Variants in ACVR1 observed in about 807,000 individuals in gnomAD.
The protein encoded by ACVR1 is activin A receptor type 1.
In ACVR1, 38 loss-of-function variants were observed where a neutral mutation model predicts 57.1. The ratio of observed to expected loss-of-function variants is 0.67; its 90% CI spans 0.51 to 0.87. ACVR1 has a LOEUF of 0.87. Among genes scored for constraint, ACVR1 ranks in the 40% least tolerant of loss-of-function variants. The pLI is 0.00. For synonymous variants in ACVR1, 212 were observed against 228.1 expected (o/e 0.93, Z 0.63); for missense variants, 463 against 638.2 (o/e 0.73, Z 2.96).
At chr2:157,855,509 G>A (rs1689501653) in intron 1 of ACVR1, among the ~76,000 whole-genome samples, 1 of 151,698 alleles carries the variant, frequency 6.6e-6, no homozygotes, top group Non-Finnish European at 1.5e-5. Context: ...AACAACTGAT[G>A]AGTCCTCACA....
intron 6 of ACVR1, 89 bp from the exon 7 acceptor site, chr2:157,770,603 C>A: frequency 7.6e-7 from 1 of 1,316,582 alleles, no homozygotes; most frequent in Non-Finnish European, 1.1e-6. Context: ...TTAGTGCATG[C>A]AACTCTTAAT....
chr2:157,758,118 A>T (rs1292876716), intron 9 of ACVR1, among the ~76,000 whole-genome samples: 1 of 152,046 alleles, frequency 6.6e-6, no homozygotes, highest in Non-Finnish European at 1.5e-5. Flanking sequence ...ATATAGACTG[A>T]AAGTGAAGGG....
intron 2 of ACVR1, among the ~76,000 whole-genome samples, chr2:157,815,206 AATTGTAAT>A (rs1352877350): frequency 1.3e-5 from 2 of 152,192 alleles, no homozygotes; most frequent in African/African-American, 4.8e-5. Flanking sequence ...GTAAAAGAAA[AATTGTAAT>A]ATATGCATGT....
At chr2:157,863,867 CTTT>C (rs56669677) in intron 1 of ACVR1, among the ~76,000 whole-genome samples, 9 of 129,020 alleles carry the variant, frequency 7.0e-5, no homozygotes, top group Admixed American at 3.9e-4. Flanking sequence ...GGAGCAAATT[CTTT>C]TTTTTTTTTT....
chr2:157,819,669 T>A (rs1688089269), intron 1 of ACVR1, among the ~76,000 whole-genome samples: 1 of 152,110 alleles, frequency 6.6e-6, no homozygotes. Flanking sequence ...AACAATTCTC[T>A]GGCATAGACA....
intron 9 of ACVR1, among the ~76,000 whole-genome samples, chr2:157,743,469 C>G (rs972187460): frequency 2.0e-5 from 3 of 152,024 alleles, no homozygotes; most frequent in African/African-American, 7.3e-5. Context: ...GAGCCTAACA[C>G]AACACCTAGT....
At chr2:157,772,984 T>C (rs1352521890) in intron 6 of ACVR1, among the ~76,000 whole-genome samples, 1 of 152,038 alleles carries the variant, frequency 6.6e-6, no homozygotes, top group Admixed American at 6.6e-5. Flanking sequence ...CCTCTTTCCA[T>C]GAAAACAAGA....
chr2:157,869,294 T>C (rs2105387430), intron 1 of ACVR1, among the ~76,000 whole-genome samples: 1 of 152,282 alleles, frequency 6.6e-6, no homozygotes, highest in African/African-American at 2.4e-5. Flanking sequence ...GAGAGGGGCA[T>C]AGGGGTAAGA....
At chr2:157,775,131 G>A (rs1686233270) in intron 5 of ACVR1, among the ~76,000 whole-genome samples, 1 of 152,168 alleles carries the variant, frequency 6.6e-6, no homozygotes, top group African/African-American at 2.4e-5. Flanking sequence ...CTGGATGGAG[G>A]TTTCCTTTTA....
intron 1 of ACVR1, among the ~76,000 whole-genome samples, chr2:157,865,080 T>C (rs1574163982): frequency 2.3e-5 from 3 of 131,464 alleles, no homozygotes; most frequent in East Asian, 2.2e-4. Flanking sequence ...GAGTTCTTTA[T>C]AGACTCAAAC....
chr2:157,799,904 T>C (rs1050567223), intron 2 of ACVR1, among the ~76,000 whole-genome samples: 1 of 152,216 alleles, frequency 6.6e-6, no homozygotes, highest in African/African-American at 2.4e-5. Context: ...TTTAACATGA[T>C]GTTAAGGATT....
At chr2:157,835,910 T>A (rs1574129725) in intron 1 of ACVR1, among the ~76,000 whole-genome samples, 1 of 152,238 alleles carries the variant, frequency 6.6e-6, no homozygotes, top group Admixed American at 6.5e-5. Flanking sequence ...TTTAATTTAA[T>A]ATACTCTACT....
intron 9 of ACVR1, among the ~76,000 whole-genome samples, chr2:157,759,026 A>G (rs1685539888): frequency 6.6e-6 from 1 of 152,022 alleles, no homozygotes; most frequent in Admixed American, 6.6e-5. Context: ...AACAATAAAT[A>G]CCTACATCAG....
chr2:157,834,851 TAGTCCCCTTATAAGAG>T (rs1688723347), intron 1 of ACVR1, among the ~76,000 whole-genome samples: 1 of 152,120 alleles, frequency 6.6e-6, no homozygotes, highest in South Asian at 2.1e-4. Flanking sequence ...CCTGTGGATT[TAGTCCCCTTATAAGAG>T]AGACCCCAGA....
Position 157,737,112 on chromosome 2 carries a change from A to G in ACVR1, c.*419T>C, listed in dbSNP as rs1244519237. 3.2e-6 allele frequency: 1 copy of G among 308,414 alleles called. No individual in the cohort carries two copies. Among genetic ancestry groups the G allele is most frequent in the Non-Finnish European group, 6.0e-6 (1 of 165,348 alleles). 19.1% of individuals were successfully genotyped at this position (308,414 alleles called of 1,614,324 possible). On this transcript the variant is annotated 3_prime_UTR_variant, in exon 11 of 11. Coordinates refer to ENST00000434821, the MANE Select transcript of ACVR1 (RefSeq NM_001111067.4). ...AGGAATGCAAAGAATTCCTAGTGCA[A>G]TAAAGAAGAGAAGCACAGGCAATAT... is the stretch of plus-strand genomic sequence containing the variant.
At chr2:157,856,343 A>G (rs1029047539) in intron 1 of ACVR1, among the ~76,000 whole-genome samples, 2 of 152,132 alleles carry the variant, frequency 1.3e-5, no homozygotes, top group Non-Finnish European at 2.9e-5. Context: ...TCACTCACTC[A>G]AAACTTCTCA....
At chr2:157,757,734 C>T (rs1415255931) in intron 9 of ACVR1, among the ~76,000 whole-genome samples, 1 of 151,822 alleles carries the variant, frequency 6.6e-6, no homozygotes, top group African/African-American at 2.4e-5. Flanking sequence ...ACTAGACTGG[C>T]CCTACAAGAA....
intron 2 of ACVR1, among the ~76,000 whole-genome samples, chr2:157,813,600 C>T (rs186965513): frequency 6.6e-6 from 1 of 152,316 alleles, no homozygotes; most frequent in Admixed American, 6.5e-5. Flanking sequence ...CCAGATACAG[C>T]AGCAACTCAG....
At chr2:157,853,339 T>C (rs1248101818) in intron 1 of ACVR1, among the ~76,000 whole-genome samples, 2 of 152,188 alleles carry the variant, frequency 1.3e-5, no homozygotes, top group Non-Finnish European at 2.9e-5. Flanking sequence ...AGGGGCAGCC[T>C]TCTTGCTGTG....
Sources: gnomAD v4.1 joint callset for allele counts (sites outside exome capture counted in the v4.1 genomes callset) on GRCh38, gnomAD v4.1.1 for gene constraint, MANE v1.5 for transcripts, NCBI Gene and HGNC (gene_info 2026-07-23, HGNC 2026-07-21) for gene names.